UBE3A: variants seen among roughly 807,000 people sequenced by gnomAD.
The protein encoded by UBE3A is ubiquitin protein ligase E3A.
Under a neutral mutation model 83.4 loss-of-function variants are expected in UBE3A, and 6 were observed. The ratio of observed to expected loss-of-function variants is 0.07; its 90% CI spans 0.04 to 0.14. The LOEUF (loss-of-function observed/expected upper bound fraction) is 0.14. Ranked by LOEUF, UBE3A falls within the 10% of genes least tolerant of loss-of-function variation. UBE3A has a pLI of 1.00. For missense variants in UBE3A, 456 were observed against 1,036.1 expected (o/e 0.44, Z 7.69); for synonymous variants, 337 against 355.4 (o/e 0.95, Z 0.58).
intron 4 of UBE3A, among the ~76,000 whole-genome samples, chr15:25,383,302 G>A (rs1053773168): frequency 6.6e-6 from 1 of 152,040 alleles, no homozygotes; most frequent in Non-Finnish European, 1.5e-5. Context: ...AATCTCAACT[G>A]ACTCAGAAGA....
Position 25,398,786 on chromosome 15 carries a change from T to TATA in UBE3A, c.62+6672_62+6674dup, listed in dbSNP as rs1427516737. Among the ~76,000 whole-genome samples the TATA allele has an allele frequency of 1.6e-4, 6 of 37,754 alleles. No homozygotes were observed. In the Admixed American group the frequency reaches 1.9e-3, roughly 12 times the overall value. 24.8% of individuals were successfully genotyped at this position (37,754 alleles called of 152,430 possible). The stretch of plus-strand genomic sequence containing the variant: ...ATTCTTTTATTTATATATATATATA[T>TATA]ATATATATATATATATATATATATA... On this transcript the variant is annotated intron_variant, in intron 4 of 12. Transcript: ENST00000648336.
Position 25,369,466 on chromosome 15 carries a change from C to T in UBE3A, c.1608+1100G>A, listed in dbSNP as rs917437935. Among the ~76,000 whole-genome samples, 4 of 151,040 alleles carry T rather than the reference C, an allele frequency of 2.6e-5. No individual in the cohort carries two copies. The East Asian group carries it at 7.8e-4, about 29-fold the overall frequency. ...ACCGGGCTACAGCTTTATGAATTCTCGAATTTAGACAATTCTAAAACTAAA... is the reference window on the plus strand; with the variant it reads ...ACCGGGCTACAGCTTTATGAATTCTTGAATTTAGACAATTCTAAAACTAAA... On this transcript the variant is annotated intron_variant, in intron 6 of 12. Coordinates refer to ENST00000648336, the MANE Select transcript of UBE3A (RefSeq NM_130839.5).
At chr15:25,379,079 G>A (rs1275446468) in intron 4 of UBE3A, among the ~76,000 whole-genome samples, 1 of 152,124 alleles carries the variant, frequency 6.6e-6, no homozygotes, top group Non-Finnish European at 1.5e-5. Context: ...GATCTTTCTG[G>A]ACGTAAGTTT....
intron 11 of UBE3A, among the ~76,000 whole-genome samples, chr15:25,352,850 T>C (rs778334413): frequency 6.6e-6 from 1 of 152,258 alleles, no homozygotes; most frequent in Non-Finnish European, 1.5e-5. Context: ...ACTTTATCTG[T>C]CATTTTTCAC....
chr15:25,407,305 CAGCAAAA>C, intron 3 of UBE3A: 1 of 1,022,884 alleles, frequency 9.8e-7, no homozygotes, highest in Non-Finnish European at 1.2e-6. Context: ...AACACGTAGG[CAGCAAAA>C]CTTTCAAAAT....
Position 25,438,807 on chromosome 15 carries a change from C to G in UBE3A, c.-483G>C. On this transcript the variant is annotated 5_prime_UTR_variant, in exon 1 of 13. Coordinates refer to ENST00000648336, the MANE Select transcript of UBE3A (RefSeq NM_130839.5). ...CGCCGCCGCCCGCAGCCGAGCGCGC[C>G]GGGTCGGCAGAGGTGAAGCGTAAGT... The G allele has an allele frequency of 6.6e-6, 1 of 152,434 alleles. No individual in the cohort carries two copies. The highest frequency in any genetic ancestry group is 2.4e-5 in the African/African-American group (1 of 41,442). 9.4% of individuals were successfully genotyped at this position (152,434 alleles called of 1,614,324 possible).
At chr15:25,410,951 A>C (rs2089875985) in intron 2 of UBE3A, among the ~76,000 whole-genome samples, 1 of 152,212 alleles carries the variant, frequency 6.6e-6, no homozygotes, top group African/African-American at 2.4e-5. Flanking sequence ...AACAAGTCTA[A>C]CTTTCCATCT....
In UBE3A at chr15:25,337,790, T is replaced by TTTTA. The variant is rs1232385740; in HGVS notation, c.*1343_*1346dup. On this transcript the variant is annotated 3_prime_UTR_variant, in exon 13 of 13. Transcript: ENST00000648336. ...CACCTTAGTTAAAAATACATAATCC[T>TTTTA]TTTATTTTATAATGCAATAAAAGAA... is the stretch of plus-strand genomic sequence containing the variant. 3.3e-5 allele frequency: 5 copies of TTTTA among 152,102 alleles called. No individual in the cohort carries two copies. The highest frequency in any genetic ancestry group is 2.6e-4 in the Admixed American group (4 of 15,272). The allele number at this position is 152,102 out of a possible 1,614,324, so 9.4% of individuals were successfully genotyped here. A position where few individuals can be genotyped will look rare whatever the true frequency, so the allele number is the denominator to read the frequency against.
chr15:25,379,299 A>G (rs1215008968), intron 4 of UBE3A, among the ~76,000 whole-genome samples: 1 of 152,222 alleles, frequency 6.6e-6, no homozygotes, highest in Non-Finnish European at 1.5e-5. Flanking sequence ...ATGAGTTAGC[A>G]CTATAAACCT....
At chr15:25,407,301 T>C (rs921883470) in intron 3 of UBE3A, 3 of 1,033,814 alleles carry the variant, frequency 2.9e-6, no homozygotes, top group Non-Finnish European at 2.3e-6. Flanking sequence ...TTCAAACACG[T>C]AGGCAGCAAA....
rs540600322 is a variant in UBE3A, at chr15:25,341,160, C to T, written c.2355-932G>A. On this transcript the variant is annotated intron_variant, in intron 11 of 12. Transcript: ENST00000648336. ...TCTCGGCTCATTGCAAGCTCCGCCT[C>T]CTGGGTTCGCGCCATTGTCCTGCCT... Among the ~76,000 whole-genome samples, 11 of 151,834 alleles carry T rather than the reference C, an allele frequency of 7.2e-5. No homozygotes were observed. The East Asian group carries it at 2.2e-3, about 30-fold the overall frequency.
intron 1 of UBE3A, among the ~76,000 whole-genome samples, chr15:25,414,293 T>A (rs2090490824): frequency 1.3e-5 from 2 of 152,228 alleles, no homozygotes; most frequent in Admixed American, 1.3e-4. Context: ...TGATACTTGT[T>A]CAGCCTTCAA....
intron 7 of UBE3A, among the ~76,000 whole-genome samples, chr15:25,358,354 G>A (rs900346880): frequency 3.3e-5 from 5 of 151,778 alleles, no homozygotes; most frequent in African/African-American, 1.2e-4. Flanking sequence ...ACTCCAGCCT[G>A]GGCCTCAGAG....
chr15:25,413,137 A>G, intron 1 of UBE3A: 1 of 382,798 alleles, frequency 2.6e-6, no homozygotes, highest in Non-Finnish European at 5.1e-6. Context: ...CACTACAAAT[A>G]TTAGGCACAC....
chr15:25,352,908 G>GAA (rs1360936175), intron 11 of UBE3A, among the ~76,000 whole-genome samples: 1 of 152,078 alleles, frequency 6.6e-6, no homozygotes, highest in Non-Finnish European at 1.5e-5. Flanking sequence ...ATGATCTTAA[G>GAA]ATACATACCA....
At chr15:25,431,443 A>T (rs1893420917) in intron 1 of UBE3A, among the ~76,000 whole-genome samples, 1 of 152,092 alleles carries the variant, frequency 6.6e-6, no homozygotes, top group South Asian at 2.1e-4. Flanking sequence ...CCCAGGTTCA[A>T]GCGATTCTCG....
intron 1 of UBE3A, among the ~76,000 whole-genome samples, chr15:25,433,783 T>A (rs547547393): frequency 2.6e-5 from 4 of 152,214 alleles, no homozygotes; most frequent in East Asian, 1.9e-4. Context: ...CAGTATTTTT[T>A]AAAAATGCTC....
At position 25,370,620 on chromosome 15, in the gene UBE3A, T is replaced by C. The variant is rs758694652; in HGVS notation, c.1554A>G (p.Pro518=). 1.2e-6 allele frequency: 2 copies of C among 1,614,150 alleles called. No homozygotes were observed. Among genetic ancestry groups the C allele is most frequent in the Non-Finnish European group, 1.7e-6 (2 of 1,180,012 alleles). The change falls in exon 6 of 13, where the codon CCA becomes CCG. Residue 518 remains proline, a synonymous_variant. Coordinates refer to ENST00000648336, the MANE Select transcript of UBE3A (RefSeq NM_130839.5). This position sits in a 1 kb window ranked among gnomAD's most constrained non-coding sequence, Gnocchi z 4.2. The stretch of plus-strand genomic sequence containing the variant: ...CACGTCTAACTTTGAGTCTCAAATA[T>C]GGATTCAACTGCTGTCCTTGAACTA... ...YSLVQGQQLN[P]YLRLKVRRDH...
chr15:25,379,538 T>C (rs1049850079), intron 4 of UBE3A, among the ~76,000 whole-genome samples: 2 of 152,204 alleles, frequency 1.3e-5, no homozygotes, highest in African/African-American at 2.4e-5. Flanking sequence ...GAATCAACTA[T>C]ATTAAGCATT....
Sources: gnomAD v4.1 joint callset for allele counts (sites outside exome capture counted in the v4.1 genomes callset) on GRCh38, gnomAD v4.1.1 for gene constraint, Gnocchi (gnomAD v3.1) non-coding constraint, MANE v1.5 for transcripts, NCBI Gene and HGNC (gene_info 2026-07-23, HGNC 2026-07-21) for gene names.